The following MYO1E variants were observed in gnomAD, a reference collection of about 807,000 sequenced individuals.
The protein encoded by MYO1E is unconventional myosin-Ie.
In MYO1E, 68 loss-of-function variants were observed where a neutral mutation model predicts 151.1. That is an observed-to-expected ratio of 0.45 (90% CI 0.37 to 0.55). The LOEUF (loss-of-function observed/expected upper bound fraction) is 0.55. MYO1E is among the 20% of genes least tolerant of loss of function. The pLI is 0.00. For missense variants in MYO1E, 1,363 were observed against 1,389.3 expected (o/e 0.98, Z 0.30); for synonymous variants, 601 against 501.7 (o/e 1.20, Z -2.64).
chr15:59,278,648 T>A (rs924158007), intron 1 of MYO1E, among the ~76,000 whole-genome samples: 23 of 152,140 alleles, frequency 1.5e-4, no homozygotes, highest in African/African-American at 5.3e-4. Flanking sequence ...GGAAGATGTG[T>A]CTCTGAAGCA....
chr15:59,223,535 G>A (rs542835793), intron 8 of MYO1E, among the ~76,000 whole-genome samples: 4 of 152,298 alleles, frequency 2.6e-5, no homozygotes, highest in African/African-American at 9.6e-5. Context: ...AGACTCGGAA[G>A]AGTGGTAGTT....
At position 59,356,670 on chromosome 15, in the gene MYO1E, C is replaced by T. The variant is rs138760961; in HGVS notation, c.3+15828G>A. On this transcript the variant is annotated intron_variant, in intron 1 of 27. Transcript: ENST00000288235. ...TCGGCTCACTGCACCCTCTGCCTCC[C>T]GGGCTCCAGCAATCCTCCCACATAA... 2.1e-3 allele frequency among the ~76,000 whole-genome samples: 320 copies of T among 152,262 alleles called. 1 individual carries two copies. Among genetic ancestry groups the T allele is most frequent in the Non-Finnish European group, 3.8e-3 (259 of 68,028 alleles).
intron 16 of MYO1E, among the ~76,000 whole-genome samples, chr15:59,197,392 G>A (rs1210220646): frequency 6.6e-6 from 1 of 152,134 alleles, no homozygotes; most frequent in African/African-American, 2.4e-5. Context: ...AACATAGAGA[G>A]GCAAGTGTAA....
intron 1 of MYO1E, among the ~76,000 whole-genome samples, chr15:59,283,446 C>G (rs1489494083): frequency 6.6e-6 from 1 of 152,132 alleles, no homozygotes; most frequent in Non-Finnish European, 1.5e-5. Flanking sequence ...TGCTAAGAAG[C>G]CTGCTCTAAC....
At chr15:59,226,545 G>A (rs1439692379) in intron 7 of MYO1E, among the ~76,000 whole-genome samples, 4 of 152,186 alleles carry the variant, frequency 2.6e-5, no homozygotes, top group South Asian at 2.1e-4. Context: ...AATGGCTCAC[G>A]CCTGTAATCC....
At chr15:59,203,401 G>T (rs902126370) in intron 15 of MYO1E, among the ~76,000 whole-genome samples, 2 of 142,246 alleles carry the variant, frequency 1.4e-5, no homozygotes, top group South Asian at 2.2e-4. Flanking sequence ...TTTTTTTTGA[G>T]ATGGAGTCTC....
chr15:59,305,354 C>T (rs773305079), intron 1 of MYO1E, among the ~76,000 whole-genome samples: 9 of 152,036 alleles, frequency 5.9e-5, no homozygotes, highest in South Asian at 2.1e-4. Flanking sequence ...CCACCATGCC[C>T]GGCTAATTTT....
chr15:59,185,324 A>G (rs1287966918), intron 18 of MYO1E, among the ~76,000 whole-genome samples: 1 of 151,934 alleles, frequency 6.6e-6, no homozygotes, highest in Non-Finnish European at 1.5e-5. Context: ...CTGGAGTGCA[A>G]TGGCGCCATG....
intron 1 of MYO1E, among the ~76,000 whole-genome samples, chr15:59,345,033 CCTAA>C (rs1399826633): frequency 3.3e-5 from 5 of 152,030 alleles, no homozygotes; most frequent in Non-Finnish European, 5.9e-5. Context: ...ATTTTAAATG[CCTAA>C]CTTTTTATGA....
At chr15:59,227,077 G>T (rs571035166) in intron 7 of MYO1E, among the ~76,000 whole-genome samples, 105 of 152,270 alleles carry the variant, frequency 6.9e-4, no homozygotes, top group Admixed American at 2.4e-3. Flanking sequence ...CACTGCTTTG[G>T]TGCAGGTCAC....
chr15:59,204,396 TG>T, intron 15 of MYO1E, among the ~76,000 whole-genome samples: 1 of 152,352 alleles, frequency 6.6e-6, no homozygotes, highest in South Asian at 2.1e-4. Context: ...TCAGGCTCGC[TG>T]CTGTTGATCA....
At chr15:59,298,218 A>T (rs544979540) in intron 1 of MYO1E, among the ~76,000 whole-genome samples, 1 of 152,332 alleles carries the variant, frequency 6.6e-6, no homozygotes, top group Admixed American at 6.5e-5. Flanking sequence ...AAAAATTTAC[A>T]TTTACAAATC....
chr15:59,290,703 T>C (rs2080413858), intron 1 of MYO1E, among the ~76,000 whole-genome samples: 1 of 152,282 alleles, frequency 6.6e-6, no homozygotes, highest in Middle Eastern at 3.4e-3. Flanking sequence ...TCAGAAAAAG[T>C]AGGCAAGATA....
At chr15:59,234,265 C>CATGG (rs1195811935) in intron 5 of MYO1E, among the ~76,000 whole-genome samples, 1 of 140,590 alleles carries the variant, frequency 7.1e-6, no homozygotes, top group Non-Finnish European at 1.5e-5. Flanking sequence ...TGGATGGGTG[C>CATGG]ATGGATGGAT....
At chr15:59,286,075 C>T (rs1478237578) in intron 1 of MYO1E, among the ~76,000 whole-genome samples, 1 of 152,178 alleles carries the variant, frequency 6.6e-6, no homozygotes, top group African/African-American at 2.4e-5. Context: ...TTTCTTGTGA[C>T]ATAATATGAA....
intron 1 of MYO1E, among the ~76,000 whole-genome samples, chr15:59,341,651 TCATA>T (rs1382080851): frequency 2.6e-5 from 4 of 152,236 alleles, no homozygotes; most frequent in Non-Finnish European, 5.9e-5. Context: ...CCAGTTCCAT[TCATA>T]TTCTTGCAAA....
intron 1 of MYO1E, among the ~76,000 whole-genome samples, chr15:59,289,971 C>T (rs2080409281): frequency 1.3e-5 from 2 of 152,186 alleles, no homozygotes; most frequent in Non-Finnish European, 2.9e-5. Context: ...AAGTGTGCCC[C>T]ACAATGTTTG....
rs917590595 is a variant in MYO1E, at chr15:59,138,144, A to G, written c.3250+54T>C. On this transcript the variant is annotated intron_variant, in intron 27 of 27. Transcript: ENST00000288235. ...CATTTTCACACTAGATCTTACAGCA[A>G]TGTGACTGCATGCTCTTTGGGAGGC... 3.7e-5 allele frequency: 59 copies of G among 1,587,528 alleles called. 1 individual carries two copies. The East Asian group carries it at 7.1e-4, about 19-fold the overall frequency.
chr15:59,161,165 T>C lies in MYO1E; in HGVS notation c.2693A>G (p.Gln898Arg). 6.2e-7 allele frequency: 1 copy of C among 1,614,152 alleles called. No homozygotes were observed. The highest frequency in any genetic ancestry group is 8.5e-7 in the Non-Finnish European group (1 of 1,180,026). The change falls in exon 24 of 28, where the codon CAG (glutamine) becomes CGG (arginine). Residue 898 changes from glutamine (Q) to arginine (R), a missense_variant. By Grantham distance (43) the Gln-to-Arg change is conservative. Transcript: ENST00000288235. Reference sequence around the variant, plus strand: ...CAGGTCCCCAAACCCTTGGTGGAACTGCACTTGCCGGGAGCCCCCTGCACT... The same window carrying C: ...CAGGTCCCCAAACCCTTGGTGGAACCGCACTTGCCGGGAGCCCCCTGCACT... ...PWSAGGSRQV[Q>R]FHQGFGDLAV...
Sources: allele counts gnomAD v4.1 joint callset (sites outside exome capture counted in the v4.1 genomes callset), GRCh38; gene constraint gnomAD v4.1.1; transcripts MANE v1.5; gene names NCBI Gene and HGNC (gene_info 2026-07-23, HGNC 2026-07-21).